The following MYOF variants were observed in gnomAD, a reference collection of about 807,000 sequenced individuals.
MYOF encodes myoferlin.
Under a neutral mutation model 284.2 loss-of-function variants are expected in MYOF, and 244 were observed. The ratio of observed to expected loss-of-function variants is 0.86; its 90% CI spans 0.77 to 0.95. The LOEUF (loss-of-function observed/expected upper bound fraction) is 0.95, where lower values mean the gene tolerates loss of function less well. Ranked by LOEUF, MYOF falls within the 40% of genes least tolerant of loss-of-function variation. The probability of loss-of-function intolerance (pLI) is 0.00; values close to 1 mark genes in which losing one functional copy is unlikely to be tolerated. For synonymous variants in MYOF, 904 were observed against 919.7 expected, an observed-to-expected ratio of 0.98 and a Z score of 0.31; for missense variants, 2,496 against 2,560.6, an observed-to-expected ratio of 0.97 and a Z score of 0.54.
intron 19 of MYOF, among the ~76,000 whole-genome samples, chr10:93,383,641 G>A (rs944142854): frequency 6.6e-6 from 1 of 152,192 alleles, no homozygotes; most frequent in Non-Finnish European, 1.5e-5. Flanking sequence ...TGAAAAAGTA[G>A]GAAGTTATTT....
intron 44 of MYOF, 139 bp from the exon 45 acceptor site, chr10:93,329,050 T>C (rs1843184477): frequency 2.5e-6 from 2 of 793,932 alleles, no homozygotes; most frequent in Non-Finnish European, 1.9e-6. Flanking sequence ...GACTTTGGCC[T>C]AGAAATCTAT....
intron 46 of MYOF, 139 bp downstream of exon 46, chr10:93,325,687 T>TA: frequency 8.7e-7 from 1 of 1,145,394 alleles, no homozygotes. Context: ...TCCCTTTTGA[T>TA]ATGACGCTAA....
intron 23 of MYOF, among the ~76,000 whole-genome samples, chr10:93,374,147 T>C (rs1343458869): frequency 6.6e-6 from 1 of 152,220 alleles, no homozygotes; most frequent in African/African-American, 2.4e-5. Context: ...TTGCTGAGAA[T>C]GATGGTTTCC....
intron 9 of MYOF, 92 bp downstream of exon 9, chr10:93,403,931 A>C: frequency 1.5e-6 from 2 of 1,371,906 alleles, no homozygotes; most frequent in Non-Finnish European, 2.1e-6. Context: ...CATTCCCAAG[A>C]TGCCACCAAG....
chr10:93,348,044 G>T (rs865923931), intron 36 of MYOF, among the ~76,000 whole-genome samples: 1 of 152,218 alleles, frequency 6.6e-6, no homozygotes, highest in Non-Finnish European at 1.5e-5. Context: ...ATGAGTAATA[G>T]TAACATTGTT....
chr10:93,435,707 T>C (rs184563227), intron 3 of MYOF, among the ~76,000 whole-genome samples: 2 of 152,210 alleles, frequency 1.3e-5, no homozygotes, highest in East Asian at 3.9e-4. Context: ...ACACCTGTCA[T>C]CTCACCACTT....
chr10:93,387,826 T>C lies in MYOF; in HGVS notation c.1669A>G (p.Ile557Val). 2 of 1,614,170 alleles carry C rather than the reference T, an allele frequency of 1.2e-6. No homozygotes were observed. The highest frequency in any genetic ancestry group is 1.7e-6 in the Non-Finnish European group (2 of 1,180,010). ...ACAACCAGCAGGTCATCATTTGAAA[T>C]GGGCTCAAGCTTTTTATCTGGTGGT... is the stretch of plus-strand genomic sequence containing the variant. ...KTPPDKKLEP[I>V]SNDDLLVVEK... The change falls in exon 19 of 54, where the codon ATT becomes GTT. Residue 557 changes from isoleucine to valine, a missense_variant. By Grantham distance (29) the Ile-to-Val change is conservative. This residue lies in a region of MYOF where 2,436 missense variants were observed against 2,480.7 expected (regional missense o/e 0.98). Transcript: ENST00000359263.
At chr10:93,370,380 C>A (rs187743125) in intron 24 of MYOF, among the ~76,000 whole-genome samples, 1 of 141,554 alleles carries the variant, frequency 7.1e-6, no homozygotes, top group East Asian at 2.1e-4. Context: ...GGCTCAATCT[C>A]GGCTCACTGC....
intron 1 of MYOF, among the ~76,000 whole-genome samples, chr10:93,460,929 TA>T (rs945899060): frequency 5.3e-5 from 8 of 151,690 alleles, no homozygotes; most frequent in Non-Finnish European, 1.2e-4. Flanking sequence ...AACCCATCTC[TA>T]CTAAAAATAC....
Position 93,408,798 on chromosome 10 carries a change from A to G in MYOF, c.718T>C (p.Phe240Leu). The G allele has an allele frequency of 1.2e-6, 2 of 1,614,152 alleles. No individual in the cohort carries two copies. Among genetic ancestry groups the G allele is most frequent in the Non-Finnish European group, 1.7e-6 (2 of 1,180,032 alleles). The change falls in exon 7 of 54, where the codon TTT becomes CTT. Residue 240 changes from phenylalanine (F) to leucine (L), a missense_variant. Physicochemically the swap from Phe to Leu is conservative, Grantham distance 22. Coordinates refer to ENST00000359263, the MANE Select transcript of MYOF (RefSeq NM_013451.4). ...CTCAACCCCTTTACCTCATCAAAAAAAGGGTTGTTTCCTCTCTTGATTCTT... is the reference window on the plus strand; with the variant it reads ...CTCAACCCCTTTACCTCATCAAAAAGAGGGTTGTTTCCTCTCTTGATTCTT... ...RTRIKRGNNP[F>L]FDELFFYNVN... is the part of the protein sequence containing the mutation.
intron 39 of MYOF, among the ~76,000 whole-genome samples, chr10:93,339,115 C>T (rs1001310978): frequency 4.0e-5 from 6 of 149,344 alleles, no homozygotes; most frequent in East Asian, 4.2e-4. Context: ...TGGCTTCAAG[C>T]GATTCTCCTG....
chr10:93,387,970 G>A (rs1846477112), intron 18 of MYOF, 57 bp from the exon 19 acceptor site: 6 of 1,375,334 alleles, frequency 4.4e-6, no homozygotes, highest in Non-Finnish European at 6.2e-6. Context: ...AAAGAATTCT[G>A]TGTCTCTAGT....
chr10:93,316,335 C>T (rs375316207), intron 50 of MYOF, among the ~76,000 whole-genome samples: 3 of 149,964 alleles, frequency 2.0e-5, no homozygotes, highest in East Asian at 4.0e-4. Flanking sequence ...GGAGAAATGG[C>T]GGGGGGGTTG....
intron 31 of MYOF, among the ~76,000 whole-genome samples, chr10:93,354,346 C>T (rs557032412): frequency 4.0e-4 from 61 of 152,242 alleles, no homozygotes; most frequent in African/African-American, 1.4e-3. Flanking sequence ...CCACTGCACT[C>T]CAGCCTGGGT....
Position 93,320,001 on chromosome 10 carries a change from GCCAGGAATCCAGC to G in MYOF, c.5457-1_5468del. ...CTGTTTTCTGTTTGTTTTCTTCATT[GCCAGGAATCCAGC>G]TGAAAGGCAGAGGCAAACAGACTTA... On this transcript the variant is annotated splice_acceptor_variant and coding_sequence_variant, in exon 49 of 54. Coordinates refer to ENST00000359263, the MANE Select transcript of MYOF (RefSeq NM_013451.4). LOFTEE classifies it high-confidence loss of function. The G allele has an allele frequency of 6.2e-7, 1 of 1,614,092 alleles. No individual in the cohort carries two copies. Among genetic ancestry groups the G allele is most frequent in the Non-Finnish European group, 8.5e-7 (1 of 1,179,990 alleles).
intron 28 of MYOF, among the ~76,000 whole-genome samples, chr10:93,360,259 G>A (rs1845004841): frequency 6.6e-6 from 1 of 152,200 alleles, no homozygotes; most frequent in Admixed American, 6.5e-5. Flanking sequence ...ATAAAGCACA[G>A]TTCAAGAGGC....
chr10:93,397,179 G>A, intron 15 of MYOF, 68 bp downstream of exon 15: 1 of 1,326,192 alleles, frequency 7.5e-7, no homozygotes, highest in East Asian at 2.4e-5. Context: ...AGACAATCCA[G>A]AGTAATGTTT....
intron 3 of MYOF, among the ~76,000 whole-genome samples, chr10:93,438,875 C>T (rs2056156668): frequency 6.6e-6 from 1 of 152,182 alleles, no homozygotes; most frequent in Non-Finnish European, 1.5e-5. Flanking sequence ...CCTGCGCTCC[C>T]CCCAGGAACT....
intron 16 of MYOF, among the ~76,000 whole-genome samples, chr10:93,394,650 C>CG (rs1846900646): frequency 6.7e-6 from 1 of 148,682 alleles, no homozygotes; most frequent in Non-Finnish European, 1.5e-5. Flanking sequence ...TTAATGGAGA[C>CG]GGGGTTTCAC....
Sources: gnomAD v4.1 joint callset for allele counts (sites outside exome capture counted in the v4.1 genomes callset) on GRCh38, gnomAD v4.1.1 for gene constraint, gnomAD v4.1.1 regional missense constraint, MANE v1.5 for transcripts, NCBI Gene and HGNC (gene_info 2026-07-23, HGNC 2026-07-21) for gene names.